PCDHB7: variants seen among roughly 807,000 people sequenced by gnomAD.
PCDHB7 encodes protocadherin beta-7.
For missense variants in PCDHB7, 1,148 were observed against 1,011.6 expected (o/e 1.13, Z -1.83); for synonymous variants, 542 against 463.1 (o/e 1.17, Z -2.19).
In PCDHB7 at chr5:141,173,448, A is replaced by G. The variant is rs1352061744; in HGVS notation, c.613A>G (p.Ile205Val). ...VLNQVLDREE[I>V]PEFSLTLTAL... The stretch of plus-strand genomic sequence containing the variant: ...GAATCAAGTGCTGGATCGGGAAGAG[A>G]TACCAGAGTTCAGTTTAACCCTCAC... The change falls in exon 1 of 1, where the codon ATA (isoleucine) becomes GTA (valine). Residue 205 changes from isoleucine to valine, a missense_variant. Physicochemically the swap from Ile to Val is conservative, Grantham distance 29. Coordinates refer to ENST00000231137, the MANE Select transcript of PCDHB7 (RefSeq NM_018940.4). 1 of 1,614,036 alleles carries G rather than the reference A, an allele frequency of 6.2e-7. No homozygotes were observed. Among genetic ancestry groups the G allele is most frequent in the Non-Finnish European group, 8.5e-7 (1 of 1,180,046 alleles).
rs781984836 is a variant in PCDHB7 at position 141,175,167 on chromosome 5, G to C, written c.2332G>C (p.Gly778Arg). 1 of 1,612,118 alleles carries C rather than the reference G, an allele frequency of 6.2e-7. No individual in the cohort carries two copies. Among genetic ancestry groups the C allele is most frequent in the South Asian group, 1.1e-5 (1 of 90,862 alleles). Reference sequence around the variant, plus strand: ...CCCCAACCTGCTACCCCAGAGCACAGGCAGGGAAGTGGAAGAAAATCGCCC... The same window carrying C: ...CCCCAACCTGCTACCCCAGAGCACACGCAGGGAAGTGGAAGAAAATCGCCC... Reference protein sequence around the residue: ...IIPNLLPQSTGREVEENRPFQ... With the variant: ...IIPNLLPQSTRREVEENRPFQ... The change falls in exon 1 of 1, where the codon GGC (glycine) becomes CGC (arginine). Residue 778 changes from glycine (G) to arginine (R), a missense_variant. By Grantham distance (125) the Gly-to-Arg change is moderately radical (BLOSUM62 -2). Coordinates refer to ENST00000231137, the MANE Select transcript of PCDHB7 (RefSeq NM_018940.4).
rs368689371 is a variant in PCDHB7, at chr5:141,173,383, A to G, written c.548A>G (p.His183Arg). 8 of 1,613,974 alleles carry G rather than the reference A, an allele frequency of 5.0e-6. No individual in the cohort carries two copies. In the African/African-American group the frequency reaches 1.1e-4, roughly 22 times the overall value. ...AATGCCTATTTCCATATTAATGTCCATGATAGCGGGGAGGGGAATATCTAT... is the reference window on the plus strand; with the variant it reads ...AATGCCTATTTCCATATTAATGTCCGTGATAGCGGGGAGGGGAATATCTAT... ...SPNAYFHINV[H>R]DSGEGNIYPE... Residue 183 changes from histidine to arginine, a missense_variant, in exon 1 of 1, where the codon CAT becomes CGT. Coordinates refer to ENST00000231137, the MANE Select transcript of PCDHB7 (RefSeq NM_018940.4).
In PCDHB7 at chr5:141,174,430, G is replaced by T; in HGVS notation, c.1595G>T (p.Gly532Val). ...EALQAFEFRV[G>V]ATDRGSPALS... is the part of the protein sequence containing the mutation. ...CTGCAGGCGTTCGAGTTCCGCGTGG[G>T]CGCCACAGACCGCGGCTCCCCCGCG... is the stretch of plus-strand genomic sequence containing the variant. The change falls in exon 1 of 1, where the codon GGC (glycine) becomes GTC (valine). Residue 532 changes from glycine to valine, a missense_variant. By Grantham distance (109) the Gly-to-Val change is moderately radical. Coordinates refer to ENST00000231137, the MANE Select transcript of PCDHB7 (RefSeq NM_018940.4). 1 of 1,612,018 alleles carries T rather than the reference G, an allele frequency of 6.2e-7. No homozygotes were observed. The highest frequency in any genetic ancestry group is 8.5e-7 in the Non-Finnish European group (1 of 1,179,812).
chr5:141,172,888 G>A lies in PCDHB7; in HGVS notation c.53G>A (p.Cys18Tyr), dbSNP rs1753247491. 6.2e-7 allele frequency: 1 copy of A among 1,614,206 alleles called. No homozygotes were observed. The highest frequency in any genetic ancestry group is 8.5e-7 in the Non-Finnish European group (1 of 1,180,026). ...CAGAAAAGGCAAGTCTTATTTCTTT[G>A]TGTATTTCTGGGAATGTCTTGGGCT... ...AVQKRQVLFL[C>Y]VFLGMSWAGA... is the part of the protein sequence containing the mutation. Residue 18 changes from cysteine to tyrosine, a missense_variant, in exon 1 of 1, where the codon TGT becomes TAT. Physicochemically the swap from Cys to Tyr is radical, Grantham distance 194 (BLOSUM62 -2). Transcript: ENST00000231137.
rs1210797298 is a variant in PCDHB7 at position 141,175,010 on chromosome 5, G to C, written c.2175G>C (p.Val725=). 1.2e-5 allele frequency: 19 copies of C among 1,613,890 alleles called. No individual in the cohort carries two copies. The highest frequency in any genetic ancestry group is 1.6e-5 in the Non-Finnish European group (19 of 1,179,974). ...SRAAPVGRCS[V]PEGPFPRHLV... Reference sequence around the variant, plus strand: ...CGGCCCCGGTGGGTCGCTGCTCGGTGCCTGAGGGCCCCTTTCCACGACATC... The same window carrying C: ...CGGCCCCGGTGGGTCGCTGCTCGGTCCCTGAGGGCCCCTTTCCACGACATC... The change falls in exon 1 of 1, where the codon GTG becomes GTC. Residue 725 remains valine, a synonymous_variant. Transcript: ENST00000231137.
In PCDHB7 at chr5:141,172,853, G is replaced by C. The variant is rs1753246461; in HGVS notation, c.18G>C (p.Glu6Asp). The change falls in exon 1 of 1, where the codon GAG becomes GAC. Residue 6 changes from glutamate to aspartate, a missense_variant. Glu to Asp is a conservative substitution (Grantham distance 45). Transcript: ENST00000231137. ...AAAGAAGAATGGAGGCCAGAGTGGA[G>C]CGTGCTGTGCAGAAAAGGCAAGTCT... is the stretch of plus-strand genomic sequence containing the variant. Reference protein sequence around the residue: MEARVERAVQKRQVLF... With the variant: MEARVDRAVQKRQVLF... The C allele has an allele frequency of 1.2e-6, 2 of 1,613,084 alleles. No homozygotes were observed. The highest frequency in any genetic ancestry group is 1.7e-5 in the Admixed American group (1 of 60,006).
Position 141,173,203 on chromosome 5 carries a change from T to C in PCDHB7, c.368T>C (p.Val123Ala). Residue 123 changes from valine (V) to alanine (A), a missense_variant, in exon 1 of 1, where the codon GTC becomes GCC. Transcript: ENST00000231137. ...PFQIFRAELW[V>A]RDINDHAPVF... Reference sequence around the variant, plus strand: ...CAGATTTTCCGTGCTGAACTATGGGTCAGAGACATCAATGATCACGCTCCA... The same window carrying C: ...CAGATTTTCCGTGCTGAACTATGGGCCAGAGACATCAATGATCACGCTCCA... 6.2e-7 allele frequency: 1 copy of C among 1,614,060 alleles called. No homozygotes were observed. Among genetic ancestry groups the C allele is most frequent in the Admixed American group, 1.7e-5 (1 of 60,006 alleles).
At position 141,172,725 on chromosome 5, in the gene PCDHB7, C is replaced by G. The variant is rs539520190; in HGVS notation, c.-111C>G. 140 of 846,240 alleles carry G rather than the reference C, an allele frequency of 1.7e-4. 1 individual carries two copies. The African/African-American group carries it at 2.2e-3, about 13-fold the overall frequency. 52.4% of individuals were successfully genotyped at this position (846,240 alleles called of 1,614,324 possible). A position where few individuals can be genotyped will look rare whatever the true frequency, so the allele number is the denominator to read the frequency against. On this transcript the variant is annotated 5_prime_UTR_variant, in exon 1 of 1. Coordinates refer to ENST00000231137, the MANE Select transcript of PCDHB7 (RefSeq NM_018940.4). ...AATTGGGGTAAAATGAGGATCCTTC[C>G]CCACAAACATTGCTATTATTCAGCT...
Position 141,174,059 on chromosome 5 carries a change from T to C in PCDHB7, c.1224T>C (p.Pro408=), listed in dbSNP as rs201089867. ...TCTATACTCTGGTAACAGAGAAACC[T>C]TTGGATCGAGAGAGGAACACTGAGT... ...ENFYTLVTEK[P]LDRERNTEYN... Residue 408 remains proline (P), a synonymous_variant, in exon 1 of 1, where the codon CCT becomes CCC. Transcript: ENST00000231137. 3.1e-6 allele frequency: 5 copies of C among 1,614,012 alleles called. No homozygotes were observed. The highest frequency in any genetic ancestry group is 3.3e-5 in the Admixed American group (2 of 60,030).
rs1554280045 is a variant in PCDHB7 at position 141,173,700 on chromosome 5, C to T, written c.865C>T (p.Leu289Phe). ...ATTTTCTTACGCCACTGAAAGAATTCTCAAAACGTTTCAAATCAATCCAAC... is the reference window on the plus strand; with the variant it reads ...ATTTTCTTACGCCACTGAAAGAATTTTCAAAACGTTTCAAATCAATCCAAC... ...YAFSYATERI[L>F]KTFQINPTSG... Residue 289 changes from leucine (L) to phenylalanine (F), a missense_variant, in exon 1 of 1, where the codon CTC becomes TTC. Physicochemically the swap from Leu to Phe is conservative, Grantham distance 22. Transcript: ENST00000231137. The T allele has an allele frequency of 6.2e-7, 1 of 1,614,108 alleles. No homozygotes were observed. Among genetic ancestry groups the T allele is most frequent in the Non-Finnish European group, 8.5e-7 (1 of 1,179,978 alleles).
Position 141,176,162 on chromosome 5 carries a change from C to T in PCDHB7, c.*945C>T, listed in dbSNP as rs1753376810. 6.0e-6 allele frequency: 1 copy of T among 167,100 alleles called. No homozygotes were observed. Among genetic ancestry groups the T allele is most frequent in the Admixed American group, 6.5e-5 (1 of 15,286 alleles). The allele number at this position is 167,100 out of a possible 1,614,324, so 10.4% of individuals were successfully genotyped here. On this transcript the variant is annotated 3_prime_UTR_variant, in exon 1 of 1. Transcript: ENST00000231137. ...TGCATCATTAGTTAATTATTTTCTT[C>T]ATATTGTAGATTTTCTGCAGTCACC...
In PCDHB7 at chr5:141,173,125, G is replaced by T. The variant is rs1753255524; in HGVS notation, c.290G>T (p.Gly97Val). 6.2e-7 allele frequency: 1 copy of T among 1,614,162 alleles called. No individual in the cohort carries two copies. The stretch of plus-strand genomic sequence containing the variant: ...AAATTGGACCGAGAGGAACTGTGTG[G>T]CCCCAGAGAGCCCTGTGTGCTGCCT... ...NEKLDREELC[G>V]PREPCVLPFQ... Residue 97 changes from glycine to valine, a missense_variant, in exon 1 of 1, where the codon GGC (glycine) becomes GTC (valine). Coordinates refer to ENST00000231137, the MANE Select transcript of PCDHB7 (RefSeq NM_018940.4).
Position 141,173,970 on chromosome 5 carries a change from G to A in PCDHB7, c.1135G>A (p.Gly379Arg), listed in dbSNP as rs149329448. Reference sequence around the variant, plus strand: ...TAGAGACAGAGATTCCGGGAACAATGGAAAGACAGTGTGCTCCATCCAGGA... The same window carrying A: ...TAGAGACAGAGATTCCGGGAACAATAGAAAGACAGTGTGCTCCATCCAGGA... ...RIRDRDSGNN[G>R]KTVCSIQDDV... Residue 379 changes from glycine (G) to arginine (R), a missense_variant, in exon 1 of 1, where the codon GGA becomes AGA. Coordinates refer to ENST00000231137, the MANE Select transcript of PCDHB7 (RefSeq NM_018940.4). The A allele has an allele frequency of 2.2e-5, 35 of 1,613,876 alleles. No individual in the cohort carries two copies. In the African/African-American group the frequency reaches 3.5e-4, roughly 16 times the overall value.
Position 141,173,757 on chromosome 5 carries a change from G to A in PCDHB7, c.922G>A (p.Asp308Asn). Residue 308 changes from aspartate to asparagine, a missense_variant, in exon 1 of 1, where the codon GAC (aspartate) becomes AAC (asparagine). By Grantham distance (23) the Asp-to-Asn change is conservative. Coordinates refer to ENST00000231137, the MANE Select transcript of PCDHB7 (RefSeq NM_018940.4). ...SGSLHLKAQL[D>N]YEAIQTYTLT... is the part of the protein sequence containing the mutation. ...CAGTCTTCATCTTAAAGCGCAATTGGACTATGAGGCAATTCAAACTTACAC... is the reference window on the plus strand; with the variant it reads ...CAGTCTTCATCTTAAAGCGCAATTGAACTATGAGGCAATTCAAACTTACAC... The A allele has an allele frequency of 1.1e-5, 18 of 1,613,958 alleles. No homozygotes were observed. The highest frequency in any genetic ancestry group is 1.4e-5 in the Non-Finnish European group (17 of 1,179,940).
At position 141,173,016 on chromosome 5, in the gene PCDHB7, G is replaced by T. The variant is rs201068716; in HGVS notation, c.181G>T (p.Ala61Ser). The T allele has an allele frequency of 2.7e-5, 44 of 1,614,194 alleles. No individual in the cohort carries two copies. In the South Asian group the frequency reaches 4.1e-4, roughly 15 times the overall value. Residue 61 changes from alanine to serine, a missense_variant, in exon 1 of 1, where the codon GCC (alanine) becomes TCC (serine). Transcript: ENST00000231137. ...DLGLGVGELRARGTRIVSDQN... is the reference protein window; with the variant it reads ...DLGLGVGELRSRGTRIVSDQN... ...AGGGTTAGGGGTAGGGGAACTGAGA[G>T]CCCGGGGAACTAGAATTGTTTCAGA...
In PCDHB7 at chr5:141,173,270, T is replaced by C. The variant is rs372743248; in HGVS notation, c.435T>C (p.Ser145=). Residue 145 remains serine (S), a synonymous_variant, in exon 1 of 1, where the codon AGT becomes AGC. Coordinates refer to ENST00000231137, the MANE Select transcript of PCDHB7 (RefSeq NM_018940.4). ...AGATTTCCTTGAAAATATTAGAAAG[T>C]ACCACTCCAGGGGCGGCATTTCTCC... ...DREISLKILE[S]TTPGAAFLLE... The C allele has an allele frequency of 8.7e-6, 14 of 1,614,112 alleles. No individual in the cohort carries two copies. Among genetic ancestry groups the C allele is most frequent in the South Asian group, 3.3e-5 (3 of 91,078 alleles).
Position 141,172,924 on chromosome 5 carries a change from C to T in PCDHB7, c.89C>T (p.Pro30Leu), listed in dbSNP as rs1554279853. 1.9e-6 allele frequency: 3 copies of T among 1,614,054 alleles called. No homozygotes were observed. Among genetic ancestry groups the T allele is most frequent in the African/African-American group, 1.3e-5 (1 of 74,916 alleles). Residue 30 changes from proline (P) to leucine (L), a missense_variant, in exon 1 of 1, where the codon CCG (proline) becomes CTG (leucine). Transcript: ENST00000231137. Reference protein sequence around the residue: ...FLGMSWAGAEPLRYFVAEETE... With the variant: ...FLGMSWAGAELLRYFVAEETE... ...GGAATGTCTTGGGCTGGCGCCGAAC[C>T]GCTTCGGTATTTTGTGGCGGAGGAA...
In PCDHB7 at chr5:141,174,359, G is replaced by T; in HGVS notation, c.1524G>T (p.Ala508=). The change falls in exon 1 of 1, where the codon GCG becomes GCT. Residue 508 remains alanine, a synonymous_variant. Coordinates refer to ENST00000231137, the MANE Select transcript of PCDHB7 (RefSeq NM_018940.4). ...TCGCCTCCCTGGTCTCCATCAACGC[G>T]GACAACGGCCACCTGTTTGCCCTCA... ...LPLASLVSIN[A]DNGHLFALRS... The T allele has an allele frequency of 6.2e-7, 1 of 1,612,104 alleles. No individual in the cohort carries two copies. Among genetic ancestry groups the T allele is most frequent in the South Asian group, 1.1e-5 (1 of 91,008 alleles).
In PCDHB7 at chr5:141,174,152, G is replaced by C; in HGVS notation, c.1317G>C (p.Val439=). The C allele has an allele frequency of 1.2e-6, 2 of 1,613,942 alleles. No individual in the cohort carries two copies. The highest frequency in any genetic ancestry group is 1.3e-5 in the African/African-American group (1 of 75,036). Residue 439 remains valine, a synonymous_variant, in exon 1 of 1, where the codon GTG becomes GTC. Transcript: ENST00000231137. The stretch of plus-strand genomic sequence containing the variant: ...TGAAAACCGAGCACAACATAACCGT[G>C]CTGGTCTCCGACGTCAATGACAACG... ...PRLKTEHNIT[V]LVSDVNDNAP...
Sources: allele counts gnomAD v4.1 joint callset, GRCh38; gene constraint gnomAD v4.1.1; transcripts MANE v1.5; gene names NCBI Gene and HGNC (gene_info 2026-07-23, HGNC 2026-07-21).